LIMA1: variants seen among roughly 807,000 people sequenced by gnomAD.
LIMA1 encodes the protein LIM domain and actin binding 1.
Under a neutral mutation model 62.6 loss-of-function variants are expected in LIMA1, and 52 were observed. That is an observed-to-expected ratio of 0.83 (90% confidence interval 0.67 to 1.05). LIMA1 has a LOEUF of 1.05. Ranked by LOEUF, LIMA1 falls within the 50% of genes least tolerant of loss-of-function variation. The pLI is 0.00. For synonymous variants in LIMA1, 302 were observed against 317.8 expected (o/e 0.95, Z 0.53); for missense variants, 780 against 902.2 (o/e 0.86, Z 1.74).
intron 1 of LIMA1, among the ~76,000 whole-genome samples, chr12:50,263,960 C>T (rs1363551268): frequency 1.3e-5 from 2 of 149,392 alleles, no homozygotes; most frequent in African/African-American, 2.5e-5. Context: ...AGAACTTGTA[C>T]ACAAATGTTC....
chr12:50,214,956 A>G (rs1426587178), intron 4 of LIMA1, among the ~76,000 whole-genome samples: 5 of 152,238 alleles, frequency 3.3e-5, no homozygotes, highest in Non-Finnish European at 1.5e-5. Context: ...TTATTAACTA[A>G]GAGGAAGATA....
At chr12:50,203,516 C>T (rs1019957527) in intron 6 of LIMA1, among the ~76,000 whole-genome samples, 3 of 149,308 alleles carry the variant, frequency 2.0e-5, no homozygotes, top group South Asian at 2.1e-4. Context: ...TGGGTTCCAG[C>T]GATTCTCCTG....
intron 4 of LIMA1, among the ~76,000 whole-genome samples, chr12:50,216,427 C>G (rs894119328): frequency 2.6e-5 from 4 of 151,838 alleles, no homozygotes; most frequent in African/African-American, 4.8e-5. Flanking sequence ...GTTGGTCAGG[C>G]TGGTCTCAAA....
Position 50,261,042 on chromosome 12 carries a change from A to ATATTTTTTT in LIMA1, c.-23-12269_-23-12268insAAAAAAATA, listed in dbSNP as rs1383547189. ...CTTTTGCTTTTCTGCCATCTAGTATATTTTTTTTTTTTTTTTTTTTTTTTT... is the reference window on the plus strand; with the variant it reads ...CTTTTGCTTTTCTGCCATCTAGTATATATTTTTTTTTTTTTTTTTTTTTTTTTTTTTTTT... On this transcript the variant is annotated intron_variant, in intron 1 of 10. Transcript: ENST00000341247. 2.0e-3 allele frequency among the ~76,000 whole-genome samples: 109 copies of ATATTTTTTT among 54,294 alleles called. 1 individual carries two copies. Among genetic ancestry groups the ATATTTTTTT allele is most frequent in the Middle Eastern group, 0.011 (1 of 94 alleles). The allele number at this position is 54,294 out of a possible 152,430, so 35.6% of individuals were successfully genotyped here.
chr12:50,181,809 T>C lies in LIMA1; in HGVS notation c.1274+95A>G, dbSNP rs140549744. On this transcript the variant is annotated intron_variant, in intron 10 of 10. Coordinates refer to ENST00000341247, the MANE Select transcript of LIMA1 (RefSeq NM_016357.5). ...TTCAAGAGCCTTCAACAGAATATCA[T>C]TAGCACAGTAGCTTTTAGCACCAGT... 3.1e-5 allele frequency: 42 copies of C among 1,334,596 alleles called. No individual in the cohort carries two copies. In the African/African-American group the frequency reaches 5.0e-4, roughly 16 times the overall value. 82.7% of individuals were successfully genotyped at this position (1,334,596 alleles called of 1,614,324 possible).
intron 3 of LIMA1, among the ~76,000 whole-genome samples, chr12:50,223,763 C>T (rs1332544516): frequency 2.6e-5 from 4 of 152,264 alleles, no homozygotes; most frequent in Non-Finnish European, 4.4e-5. Flanking sequence ...CCCGGCTGGG[C>T]GCAGTGGCTC....
chr12:50,255,094 G>A (rs970075819), intron 1 of LIMA1, among the ~76,000 whole-genome samples: 5 of 151,176 alleles, frequency 3.3e-5, no homozygotes, highest in Non-Finnish European at 5.9e-5. Flanking sequence ...AGCTGGCCCT[G>A]CAACCAGCCC....
At chr12:50,280,284 A>G (rs552749734) in intron 1 of LIMA1, among the ~76,000 whole-genome samples, 3 of 150,596 alleles carry the variant, frequency 2.0e-5, no homozygotes, top group South Asian at 4.2e-4. Context: ...CCTCCCGAGT[A>G]GCTAGGACTA....
chr12:50,222,220 T>TA lies in LIMA1; in HGVS notation c.430_431insT (p.His144LeufsTer6). ...TTTAAGATCCTCACCGTCCTTGATG[T>TA]GGGGATATCGACCCTGAACGAGGGC... On this transcript the variant is annotated frameshift_variant, in exon 4 of 11. Transcript: ENST00000341247. LOFTEE classifies it high-confidence loss of function. The TA allele has an allele frequency of 6.2e-7, 1 of 1,614,220 alleles. No homozygotes were observed. The highest frequency in any genetic ancestry group is 1.1e-5 in the South Asian group (1 of 91,080).
At chr12:50,259,272 T>A (rs1225921021) in intron 1 of LIMA1, among the ~76,000 whole-genome samples, 3 of 152,130 alleles carry the variant, frequency 2.0e-5, no homozygotes, top group African/African-American at 7.2e-5. Context: ...CTATTCCTAA[T>A]CAGCATAAGT....
intron 2 of LIMA1, chr12:50,234,009 T>C (rs1941650754): frequency 4.8e-6 from 2 of 417,082 alleles, no homozygotes; most frequent in Admixed American, 6.9e-5. Flanking sequence ...CAGCTATAGT[T>C]GATGACATCT....
At chr12:50,189,404 T>C (rs1251562231) in intron 9 of LIMA1, 1 of 152,150 alleles carries the variant, frequency 6.6e-6, no homozygotes, top group Non-Finnish European at 1.5e-5. Flanking sequence ...ACGGCAGATA[T>C]GAGCATGAGT....
intron 8 of LIMA1, among the ~76,000 whole-genome samples, chr12:50,193,631 CG>C (rs1940851888): frequency 1.2e-5 from 1 of 86,032 alleles, no homozygotes; most frequent in Non-Finnish European, 2.1e-5. Context: ...CATATATATA[CG>C]TGTGTGTGTG....
intron 1 of LIMA1, among the ~76,000 whole-genome samples, chr12:50,279,233 T>A (rs1942310359): frequency 6.6e-6 from 1 of 151,192 alleles, no homozygotes; most frequent in Non-Finnish European, 1.5e-5. Context: ...CTCGAACTCC[T>A]GACCTCAAGT....
At chr12:50,210,429 A>AAAAAG (rs528226698) in intron 4 of LIMA1, among the ~76,000 whole-genome samples, 10 of 145,302 alleles carry the variant, frequency 6.9e-5, no homozygotes, top group South Asian at 2.1e-4. Flanking sequence ...AAAAAAAAAA[A>AAAAAG]AAAAAAGAAA....
chr12:50,260,887 G>A (rs867543160), intron 1 of LIMA1, among the ~76,000 whole-genome samples: 5 of 111,232 alleles, frequency 4.5e-5, no homozygotes, highest in Admixed American at 2.9e-4. Context: ...CTCTCACCAC[G>A]AACACTAGCT....
At chr12:50,242,264 A>C (rs911052115) in intron 2 of LIMA1, among the ~76,000 whole-genome samples, 5 of 152,108 alleles carry the variant, frequency 3.3e-5, no homozygotes, top group Admixed American at 3.3e-4. Context: ...GTTACAGAGA[A>C]GCGAAAGAAG....
rs762264778 is a variant in LIMA1, at chr12:50,177,078, C to A, written c.2266G>T (p.Glu756Ter). The A allele has an allele frequency of 6.3e-6, 10 of 1,576,988 alleles. No homozygotes were observed. The East Asian group carries it at 2.0e-4, about 32-fold the overall frequency. ...IKRNRYYDED[E>*]DEE ...ATTGCAATTTGTCACTCTTCATCCTCATCCTCATCATAATACCGATTTCTC... is the reference window on the plus strand; with the variant it reads ...ATTGCAATTTGTCACTCTTCATCCTAATCCTCATCATAATACCGATTTCTC... Residue 756 changes from glutamate to a stop codon, truncating the protein, a stop_gained, in exon 11 of 11, where the codon GAG becomes TAG. Coordinates refer to ENST00000341247, the MANE Select transcript of LIMA1 (RefSeq NM_016357.5). LOFTEE classifies it high-confidence loss of function.
rs1941144443 is a variant in LIMA1 at position 50,205,968 on chromosome 12, G to A, written c.715+16C>T. The stretch of plus-strand genomic sequence containing the variant: ...ACTTCCTAAAGGACCTCATACACAT[G>A]GAACTCTCTGCTTACCTGGGCCTAT... On this transcript the variant is annotated intron_variant, in intron 5 of 10. Coordinates refer to ENST00000341247, the MANE Select transcript of LIMA1 (RefSeq NM_016357.5). 6.3e-7 allele frequency: 1 copy of A among 1,599,190 alleles called. No individual in the cohort carries two copies. The highest frequency in any genetic ancestry group is 1.3e-5 in the African/African-American group (1 of 74,628).
Sources: allele counts gnomAD v4.1 joint callset (sites outside exome capture counted in the v4.1 genomes callset), GRCh38; gene constraint gnomAD v4.1.1; transcripts MANE v1.5; gene names NCBI Gene and HGNC (gene_info 2026-07-23, HGNC 2026-07-21).